Variants in CEACAM4 observed in about 807,000 individuals in gnomAD.
The protein encoded by CEACAM4 is CEA cell adhesion molecule 4.
In CEACAM4, 30 loss-of-function variants were observed where a neutral mutation model predicts 28.7. The ratio of observed to expected loss-of-function variants is 1.05; its 90% CI spans 0.78 to 1.42. CEACAM4 has a LOEUF of 1.42. CEACAM4 is among the 40% of genes most tolerant of loss of function. CEACAM4 has a pLI of 0.00. For synonymous variants in CEACAM4, 143 were observed against 126.5 expected (o/e 1.13, Z -0.87); for missense variants, 330 against 308.2 (o/e 1.07, Z -0.53).
downstream of CEACAM4, among the ~76,000 whole-genome samples, chr19:41,614,343 C>T (rs552564443): frequency 6.6e-6 from 1 of 152,340 alleles, no homozygotes; most frequent in East Asian, 1.9e-4. Flanking sequence ...AACAGGCAAG[C>T]TTGGCCTTCT....
intron 5 of CEACAM4, 67 bp from the exon 6 acceptor site, chr19:41,619,778 G>T: frequency 7.4e-7 from 1 of 1,354,566 alleles, no homozygotes; most frequent in Non-Finnish European, 1.0e-6. Context: ...AGCCTGGAAG[G>T]TTCCTGTCTC....
Position 41,619,701 on chromosome 19 carries a change from G to A in CEACAM4, c.638C>T (p.Pro213Leu). Residue 213 changes from proline to leucine, a missense_variant, in exon 6 of 7, where the codon CCC becomes CTC. Pro to Leu is a moderately conservative substitution (Grantham distance 98). Coordinates refer to ENST00000221954, the MANE Select transcript of CEACAM4 (RefSeq NM_001817.4). ...GATGGGAGTGGCTGTTCTGGGGCTG[G>A]GTAGAGGGGCCTGGGCAGGGGAGAG... is the stretch of plus-strand genomic sequence containing the variant. ...SHRSTFSAPL[P>L]SPRTATPIYE... 6.3e-7 allele frequency: 1 copy of A among 1,588,548 alleles called. No individual in the cohort carries two copies. The highest frequency in any genetic ancestry group is 8.6e-7 in the Non-Finnish European group (1 of 1,165,914).
At chr19:41,626,573 C>T (rs782728715) in intron 1 of CEACAM4, among the ~76,000 whole-genome samples, 1 of 152,144 alleles carries the variant, frequency 6.6e-6, no homozygotes, top group Non-Finnish European at 1.5e-5. Flanking sequence ...GTGTTTTATG[C>T]CCTGGTTATG....
At chr19:41,616,763 A>G (rs2070989700), downstream of CEACAM4, among the ~76,000 whole-genome samples, 1 of 152,226 alleles carries the variant, frequency 6.6e-6, no homozygotes, top group South Asian at 2.1e-4. Context: ...AGGCTGAGTG[A>G]TGGATGTGCT....
chr19:41,624,816 A>T (rs2071532705), intron 2 of CEACAM4, among the ~76,000 whole-genome samples: 2 of 152,182 alleles, frequency 1.3e-5, no homozygotes, highest in East Asian at 3.9e-4. Flanking sequence ...TAAATTATTC[A>T]CAGGATCTGA....
chr19:41,622,899 T>TAG, intron 2 of CEACAM4, among the ~76,000 whole-genome samples: 1 of 146,458 alleles, frequency 6.8e-6, no homozygotes, highest in Non-Finnish European at 1.5e-5. Context: ...GATAGATAGA[T>TAG]ATAGTAGCTG....
Position 41,625,783 on chromosome 19 carries a change from C to T in CEACAM4, c.242G>A (p.Gly81Asp). 5 of 1,613,958 alleles carry T rather than the reference C, an allele frequency of 3.1e-6. No individual in the cohort carries two copies. The highest frequency in any genetic ancestry group is 1.1e-5 in the South Asian group (1 of 91,074). ...ATTTGCTTGAATGTCTGTTATATAACCAGCAATGAGAGGGCTCCCTTCTGC... is the reference window on the plus strand; with the variant it reads ...ATTTGCTTGAATGTCTGTTATATAATCAGCAATGAGAGGGCTCCCTTCTGC... ...KTAEGSPLIAGYITDIQANIP... is the reference protein window; with the variant it reads ...KTAEGSPLIADYITDIQANIP... Residue 81 changes from glycine to aspartate, a missense_variant, in exon 2 of 7, where the codon GGT (glycine) becomes GAT (aspartate). Physicochemically the swap from Gly to Asp is moderately conservative, Grantham distance 94 (BLOSUM62 -1). Transcript: ENST00000221954.
At chr19:41,614,078 T>C (rs1237972202), downstream of CEACAM4, among the ~76,000 whole-genome samples, 5 of 152,234 alleles carry the variant, frequency 3.3e-5, no homozygotes, top group Admixed American at 2.6e-4. Context: ...TATTAATACA[T>C]GTGGATTTGC....
At chr19:41,620,167 G>T (rs782520896) in intron 5 of CEACAM4, 44 bp downstream of exon 5, 18 of 1,483,570 alleles carry the variant, frequency 1.2e-5, no homozygotes, top group African/African-American at 5.8e-5. Context: ...AGCCTGCACT[G>T]TTGGGACCCC....
chr19:41,617,916 C>T (rs2057318174), downstream of CEACAM4, among the ~76,000 whole-genome samples: 1 of 152,140 alleles, frequency 6.6e-6, no homozygotes, highest in South Asian at 2.1e-4. Context: ...GATCAGGGGT[C>T]ATTTAGAGCT....
downstream of CEACAM4, among the ~76,000 whole-genome samples, chr19:41,614,957 AG>A (rs1438295106): frequency 4.8e-5 from 1 of 20,986 alleles, no homozygotes; most frequent in African/African-American, 1.9e-4. Flanking sequence ...GGGGAGGGGA[AG>A]GGGGAGGGGA....
chr19:41,620,935 G>T (rs2071245115), intron 3 of CEACAM4, among the ~76,000 whole-genome samples: 1 of 152,038 alleles, frequency 6.6e-6, no homozygotes, highest in Non-Finnish European at 1.5e-5. Context: ...TGCCTGAGAG[G>T]AAGGGTCAAG....
downstream of CEACAM4, among the ~76,000 whole-genome samples, chr19:41,616,725 G>A (rs2070989319): frequency 6.6e-6 from 1 of 152,138 alleles, no homozygotes; most frequent in Admixed American, 6.5e-5. Context: ...GGATGGAGGA[G>A]CAGGATGCTG....
downstream of CEACAM4, among the ~76,000 whole-genome samples, chr19:41,618,437 G>C (rs1555799513): frequency 1.3e-5 from 2 of 152,186 alleles, no homozygotes; most frequent in African/African-American, 2.4e-5. Context: ...GCCCCTCTCT[G>C]TGCCCCACCA....
At chr19:41,616,423 G>T (rs1373604772), downstream of CEACAM4, among the ~76,000 whole-genome samples, 3 of 151,988 alleles carry the variant, frequency 2.0e-5, no homozygotes, top group African/African-American at 7.3e-5. Context: ...GCATTTTAAA[G>T]CATGTTCATA....
At chr19:41,626,061 GGAGTGTGTGTGT>G (rs1656756454) in intron 1 of CEACAM4, 101 bp from the exon 2 acceptor site, 3 of 700,128 alleles carry the variant, frequency 4.3e-6, no homozygotes, top group Non-Finnish European at 4.4e-6. Flanking sequence ...CCTCAGCCTT[GGAGTGTGTGTGT>G]GTGTGTGTGT....
At chr19:41,616,851 G>A (rs782600993), downstream of CEACAM4, among the ~76,000 whole-genome samples, 1 of 152,184 alleles carries the variant, frequency 6.6e-6, no homozygotes, top group Non-Finnish European at 1.5e-5. Context: ...AGTGGCCTGA[G>A]TGTCAGGGGC....
chr19:41,619,115 G>A lies in CEACAM4; in HGVS notation c.*215C>T. 1 of 566,984 alleles carries A rather than the reference G, an allele frequency of 1.8e-6. No individual in the cohort carries two copies. Among genetic ancestry groups the A allele is most frequent in the Non-Finnish European group, 3.1e-6 (1 of 320,464 alleles). The allele number at this position is 566,984 out of a possible 1,614,324, so 35.1% of individuals were successfully genotyped here. A position where few individuals can be genotyped will look rare whatever the true frequency, so the allele number is the denominator to read the frequency against. On this transcript the variant is annotated 3_prime_UTR_variant, in exon 7 of 7. Coordinates refer to ENST00000221954, the MANE Select transcript of CEACAM4 (RefSeq NM_001817.4). ...GCAAGCCCCCGCTTCCTGTGGTGAT[G>A]AGAGGCCTTTGTCCCGGCCCACCCA...
downstream of CEACAM4, chr19:41,619,011 C>T (rs1440810351): frequency 8.3e-6 from 3 of 361,664 alleles, no homozygotes; most frequent in African/African-American, 6.3e-5. Flanking sequence ...AGAAAAAGAG[C>T]CAATGAGAGG....
Sources: allele counts gnomAD v4.1 joint callset (sites outside exome capture counted in the v4.1 genomes callset), GRCh38; gene constraint gnomAD v4.1.1; transcripts MANE v1.5; gene names NCBI Gene and HGNC (gene_info 2026-07-23, HGNC 2026-07-21).